The following TRPM1 variants were observed in gnomAD, a reference collection of about 807,000 sequenced individuals.
TRPM1 encodes transient receptor potential cation channel subfamily M member 1.
TRPM1 carries 113 observed loss-of-function variants against 149.4 expected under a neutral mutation model. That is an observed-to-expected ratio of 0.76 (90% confidence interval 0.65 to 0.88). The LOEUF is 0.88. TRPM1 is among the 40% of genes least tolerant of loss of function. The pLI is 0.00. For missense variants in TRPM1, 1,976 were observed against 2,038.7 expected, an observed-to-expected ratio of 0.97 and a Z score of 0.59; for synonymous variants, 741 against 759.5, an observed-to-expected ratio of 0.98 and a Z score of 0.40.
rs200677208 is a variant in TRPM1, at chr15:31,074,458, CTAAGT to C, written c.83+2442_83+2446del. ...ATTTCTCAGAATTTTCCCATTTCAT[CTAAGT>C]TATCTAATTTGTTTGCATATAAGTC... On this transcript the variant is annotated intron_variant, in intron 3 of 27. Coordinates refer to ENST00000256552, the MANE Select transcript of TRPM1 (RefSeq NM_001252024.2). Among the ~76,000 whole-genome samples the C allele has an allele frequency of 8.7e-3, 1,323 of 152,112 alleles. 13 individuals carry two copies. Among genetic ancestry groups the C allele is most frequent in the Non-Finnish European group, 0.013 (862 of 67,936 alleles).
chr15:31,040,208 G>C lies in TRPM1; in HGVS notation c.2226C>G (p.His742Gln). 6.2e-7 allele frequency: 1 copy of C among 1,614,208 alleles called. No individual in the cohort carries two copies. The highest frequency in any genetic ancestry group is 1.1e-5 in the South Asian group (1 of 91,086). The stretch of plus-strand genomic sequence containing the variant: ...TGCAGGTGTGAGCAATGAAGTCCCG[G>C]TGTTTGGCTGCCACGGCCAGTTTGA... ...TCLKLAVAAK[H>Q]RDFIAHTCSQ... is the part of the protein sequence containing the mutation. The change falls in exon 18 of 28, where the codon CAC becomes CAG. Residue 742 changes from histidine (H) to glutamine (Q), a missense_variant. His to Gln is a conservative substitution (Grantham distance 24). Around this residue, in one of 3 missense-constraint regions of TRPM1, gnomAD observed 1,332 missense variants for 1,347.1 expected, o/e 0.99. Transcript: ENST00000256552. The surrounding 1 kb of genome is among the most constrained non-coding windows in gnomAD (Gnocchi z 4.2).
intron 1 of TRPM1, among the ~76,000 whole-genome samples, chr15:31,153,208 G>A (rs1370131133): frequency 6.6e-6 from 1 of 152,164 alleles, no homozygotes; most frequent in East Asian, 1.9e-4. Context: ...TTTTATGTCT[G>A]ATAAGAAACA....
chr15:31,038,095 A>C lies in TRPM1; in HGVS notation c.2388T>G (p.Tyr796Ter). ...LEFRTYDDFS[Y>*]QTSKENEDGK... ...CATCCTCATTTTCCTTGGATGTTTG[A>C]TACGAGAAATCATCATATGTGCGAA... is the stretch of plus-strand genomic sequence containing the variant. Residue 796 changes from tyrosine to a stop codon, truncating the protein, a stop_gained, in exon 19 of 28, where the codon TAT (tyrosine) becomes TAG (stop). Transcript: ENST00000256552. LOFTEE classifies it high-confidence loss of function. 1 of 1,614,154 alleles carries C rather than the reference A, an allele frequency of 6.2e-7. No homozygotes were observed. Among genetic ancestry groups the C allele is most frequent in the Non-Finnish European group, 8.5e-7 (1 of 1,180,006 alleles).
At chr15:31,051,155 G>A (rs890324908) in intron 11 of TRPM1, among the ~76,000 whole-genome samples, 1 of 152,178 alleles carries the variant, frequency 6.6e-6, no homozygotes, top group African/African-American at 2.4e-5. Context: ...TTCATCAAGG[G>A]GAGTGTGTGC....
At chr15:31,038,300 C>T (rs1220824336) in intron 18 of TRPM1, 134 bp from the exon 19 acceptor site, 19 of 995,218 alleles carry the variant, frequency 1.9e-5, no homozygotes, top group South Asian at 9.2e-5. Context: ...CCTGGTCTGA[C>T]GTTCTGTGAC....
At chr15:31,041,229 A>T (rs2033607094) in intron 17 of TRPM1, among the ~76,000 whole-genome samples, 1 of 151,216 alleles carries the variant, frequency 6.6e-6, no homozygotes, top group African/African-American at 2.4e-5. Context: ...ATCTCGGCTC[A>T]CTGCAAGCTC....
In TRPM1 at chr15:31,002,238, A is replaced by C. The variant is rs2141099109; in HGVS notation, c.4462T>G (p.Leu1488Val). ...ACTTGGCATTGCCATTCCGTCGTCA[A>C]TTGCTGGTCCGTGATTGAACTGTAC... is the stretch of plus-strand genomic sequence containing the variant. Reference protein sequence around the residue: ...VEYSSITDQQLTTEWQCQVQK... With the variant: ...VEYSSITDQQVTTEWQCQVQK... Residue 1488 changes from leucine (L) to valine (V), a missense_variant, in exon 28 of 28, where the codon TTG becomes GTG. Coordinates refer to ENST00000256552, the MANE Select transcript of TRPM1 (RefSeq NM_001252024.2). 8.7e-6 allele frequency: 14 copies of C among 1,614,234 alleles called. No homozygotes were observed. The highest frequency in any genetic ancestry group is 1.2e-5 in the Non-Finnish European group (14 of 1,180,044).
chr15:31,136,486 C>G (rs180877270), intron 1 of TRPM1, among the ~76,000 whole-genome samples: 5 of 152,218 alleles, frequency 3.3e-5, no homozygotes, highest in African/African-American at 1.2e-4. Context: ...CCACCCTCTA[C>G]GAGGTAACTG....
intron 5 of TRPM1, 75 bp from the exon 6 acceptor site, chr15:31,067,262 C>G (rs1048653279): frequency 6.2e-7 from 1 of 1,609,850 alleles, no homozygotes; most frequent in African/African-American, 1.3e-5. Flanking sequence ...TTTAGGGACA[C>G]TTGCCCTGAG....
chr15:31,091,988 A>G (rs946474310), intron 1 of TRPM1, among the ~76,000 whole-genome samples: 1 of 152,056 alleles, frequency 6.6e-6, no homozygotes, highest in African/African-American at 2.4e-5. Flanking sequence ...CTGGCTCCAG[A>G]TATGTCAAGG....
At chr15:31,124,580 G>C (rs1020555298) in intron 1 of TRPM1, among the ~76,000 whole-genome samples, 9 of 150,890 alleles carry the variant, frequency 6.0e-5, no homozygotes, top group African/African-American at 2.2e-4. Flanking sequence ...ATGGAACCCG[G>C]GAGGCGGAGG....
chr15:31,072,794 C>G (rs888462952), intron 3 of TRPM1, among the ~76,000 whole-genome samples: 9 of 152,070 alleles, frequency 5.9e-5, no homozygotes, highest in African/African-American at 1.7e-4. Context: ...TTTTCATGTG[C>G]TTATTGACTA....
In TRPM1 at chr15:31,134,230, A is replaced by G. The variant is rs150106713; in HGVS notation, c.54+26676T>C. 3.3e-5 allele frequency among the ~76,000 whole-genome samples: 5 copies of G among 152,328 alleles called. No homozygotes were observed. The East Asian group carries it at 5.8e-4, about 18-fold the overall frequency. ...TGGACTGCTTCTAAGAATCTTAATC[A>G]TCTATGTTCTAAAATGCAGAGAAGC... On this transcript the variant is annotated intron_variant, in intron 1 of 26. Transcript: ENST00000542188.
At chr15:31,136,920 G>A (rs2036096906) in intron 1 of TRPM1, among the ~76,000 whole-genome samples, 1 of 152,078 alleles carries the variant, frequency 6.6e-6, no homozygotes, top group Non-Finnish European at 1.5e-5. Context: ...TGGCAACCAA[G>A]GAAGGAACCT....
intron 1 of TRPM1, among the ~76,000 whole-genome samples, chr15:31,113,451 C>G (rs1464312090): frequency 3.3e-5 from 5 of 149,872 alleles, no homozygotes; most frequent in Non-Finnish European, 5.9e-5. Flanking sequence ...TTTTCAAAAT[C>G]TCTAAGGTAT....
intron 12 of TRPM1, 118 bp downstream of exon 12, chr15:31,050,291 C>T (rs1211742205): frequency 6.8e-7 from 1 of 1,473,076 alleles, no homozygotes; most frequent in African/African-American, 1.4e-5. Flanking sequence ...CCAGTCAAGC[C>T]TTTACCCGTC....
intron 1 of TRPM1, among the ~76,000 whole-genome samples, chr15:31,144,836 C>G (rs1358497172): frequency 1.3e-5 from 2 of 151,756 alleles, no homozygotes; most frequent in South Asian, 2.1e-4. Flanking sequence ...CTGCCTCAGC[C>G]TCCCGAGGAG....
intron 2 of TRPM1, among the ~76,000 whole-genome samples, chr15:31,077,541 T>C (rs1481463250): frequency 2.0e-5 from 3 of 152,072 alleles, no homozygotes; most frequent in Non-Finnish European, 4.4e-5. Flanking sequence ...CCAGGGTTTG[T>C]GGAGTCAGTT....
chr15:31,102,893 T>C (rs1354332347), upstream of TRPM1, among the ~76,000 whole-genome samples: 6 of 152,206 alleles, frequency 3.9e-5, no homozygotes, highest in South Asian at 6.2e-4. Flanking sequence ...GGCTCCCGAG[T>C]CTTCTTTCTT....
Sources: allele counts gnomAD v4.1 joint callset (sites outside exome capture counted in the v4.1 genomes callset), GRCh38; gene constraint gnomAD v4.1.1; regional missense constraint gnomAD v4.1.1; non-coding constraint Gnocchi (gnomAD v3.1); transcripts MANE v1.5; gene names NCBI Gene and HGNC (gene_info 2026-07-23, HGNC 2026-07-21).